Variants in STX8 observed in about 807,000 individuals in gnomAD.
STX8 encodes the protein syntaxin 8.
STX8 carries 23 observed loss-of-function variants against 37.5 expected under a neutral mutation model. The ratio of observed to expected loss-of-function variants is 0.61; its 90% CI spans 0.44 to 0.87. The LOEUF is 0.87. STX8 is among the 40% of genes least tolerant of loss of function. The pLI, the probability that STX8 is intolerant of heterozygous loss-of-function variation, is 0.00. For missense variants in STX8, 313 were observed against 284.7 expected, an observed-to-expected ratio of 1.10 and a Z score of -0.71; for synonymous variants, 115 against 99.1, an observed-to-expected ratio of 1.16 and a Z score of -0.95.
intron 6 of STX8, among the ~76,000 whole-genome samples, chr17:9,426,046 T>G (rs973919486): frequency 7.8e-6 from 1 of 128,968 alleles, no homozygotes; most frequent in Non-Finnish European, 1.6e-5. Context: ...CCCTGTTAAT[T>G]AGAACCTAGA....
intron 7 of STX8, among the ~76,000 whole-genome samples, chr17:9,314,578 T>C (rs79208929): frequency 6.7e-6 from 1 of 150,078 alleles, no homozygotes; most frequent in African/African-American, 2.4e-5. Flanking sequence ...TTTTTGTATT[T>C]TTTTTTTTTT....
chr17:9,471,031 C>CTTTTTTTTTTTTT lies in STX8; in HGVS notation c.541+20785_541+20797dup, dbSNP rs757411419. Among the ~76,000 whole-genome samples, 58 of 33,054 alleles carry CTTTTTTTTTTTTT rather than the reference C, an allele frequency of 1.8e-3. 11 individuals are homozygous for CTTTTTTTTTTTTT. The highest frequency in any genetic ancestry group is 2.8e-3 in the Admixed American group (6 of 2,112). 21.7% of individuals were successfully genotyped at this position (33,054 alleles called of 152,430 possible). A position where few individuals can be genotyped will look rare whatever the true frequency, so the allele number is the denominator to read the frequency against. On this transcript the variant is annotated intron_variant, in intron 6 of 7. Transcript: ENST00000306357. ...TACAGGCGTGAGCCACTGCATCCTG[C>CTTTTTTTTTTTTT]TTTTTTTTTTTTTTTTTTTTTTTGA...
chr17:9,445,005 T>C (rs1904789111), intron 6 of STX8, among the ~76,000 whole-genome samples: 2 of 152,306 alleles, frequency 1.3e-5, no homozygotes, highest in African/African-American at 2.4e-5. Flanking sequence ...GGCTCTCTGC[T>C]GAGCTGCTGA....
intron 7 of STX8, among the ~76,000 whole-genome samples, chr17:9,295,908 T>TG (rs1488691507): frequency 9.4e-6 from 1 of 106,112 alleles, no homozygotes; most frequent in Non-Finnish European, 2.4e-5. Flanking sequence ...TAGCCAGGTG[T>TG]GGCCAGGCGC....
At chr17:9,396,536 C>A (rs1912409340) in intron 6 of STX8, among the ~76,000 whole-genome samples, 2 of 151,842 alleles carry the variant, frequency 1.3e-5, no homozygotes, top group South Asian at 4.2e-4. Flanking sequence ...CATGGTGAGA[C>A]CCCGTCTCTA....
chr17:9,498,162 G>A (rs942598428), intron 5 of STX8, among the ~76,000 whole-genome samples: 1 of 152,102 alleles, frequency 6.6e-6, no homozygotes, highest in African/African-American at 2.4e-5. Context: ...CTGAGGTGGG[G>A]GGGGATCATC....
intron 6 of STX8, among the ~76,000 whole-genome samples, chr17:9,415,924 CCTT>C (rs771041657): frequency 2.1e-4 from 32 of 152,196 alleles, no homozygotes; most frequent in Non-Finnish European, 4.1e-4. Context: ...TGCTGGCATC[CCTT>C]CTTCTTTTGG....
intron 6 of STX8, among the ~76,000 whole-genome samples, chr17:9,456,740 T>C (rs923345784): frequency 5.3e-5 from 8 of 152,188 alleles, no homozygotes; most frequent in African/African-American, 1.7e-4. Context: ...CTGCTGAAGT[T>C]CTAGGCCATC....
At chr17:9,475,530 C>G (rs951686123) in intron 6 of STX8, among the ~76,000 whole-genome samples, 1 of 152,096 alleles carries the variant, frequency 6.6e-6, no homozygotes, top group African/African-American at 2.4e-5. Flanking sequence ...AGACTGCAGT[C>G]TGCAGTACTT....
At chr17:9,433,402 A>C (rs1294658629) in intron 6 of STX8, among the ~76,000 whole-genome samples, 1 of 152,230 alleles carries the variant, frequency 6.6e-6, no homozygotes. Context: ...GGATGAAATC[A>C]AAGATCCTTC....
intron 7 of STX8, among the ~76,000 whole-genome samples, chr17:9,291,455 A>AG (rs1908309827): frequency 6.6e-6 from 1 of 151,928 alleles, no homozygotes; most frequent in African/African-American, 2.4e-5. Context: ...AAAAAAAAAA[A>AG]AAAAAGTATG....
intron 7 of STX8, among the ~76,000 whole-genome samples, chr17:9,337,555 C>T (rs1041706824): frequency 3.3e-5 from 5 of 152,104 alleles, no homozygotes; most frequent in Admixed American, 6.6e-5. Context: ...TTAGTAGAGA[C>T]GGGGTTTCAC....
chr17:9,301,767 G>A (rs142072096), intron 7 of STX8, among the ~76,000 whole-genome samples: 226 of 152,178 alleles, frequency 1.5e-3, no homozygotes, highest in Non-Finnish European at 2.5e-3. Context: ...GGGATTACAG[G>A]CATGAGCCAC....
intron 5 of STX8, among the ~76,000 whole-genome samples, chr17:9,499,399 ATTTC>A (rs5819232): frequency 0.016 from 2,466 of 151,868 alleles, 64 homozygotes; most frequent in African/African-American, 0.056. Context: ...GGAATATGGC[ATTTC>A]TTTCTTTCTT....
intron 4 of STX8, among the ~76,000 whole-genome samples, chr17:9,518,834 A>T (rs914406061): frequency 2.5e-4 from 37 of 149,596 alleles, no homozygotes; most frequent in African/African-American, 9.2e-4. Flanking sequence ...GTGCCACTGC[A>T]CTCCAGCCTG....
intron 7 of STX8, among the ~76,000 whole-genome samples, chr17:9,254,571 T>C (rs1266783395): frequency 6.6e-6 from 1 of 152,038 alleles, no homozygotes; most frequent in African/African-American, 2.4e-5. Context: ...AATTTTTGTA[T>C]TTTTAGTAGA....
chr17:9,335,731 AG>A (rs1910114265), intron 7 of STX8, among the ~76,000 whole-genome samples: 1 of 152,144 alleles, frequency 6.6e-6, no homozygotes, highest in South Asian at 2.1e-4. Flanking sequence ...TATATGAGCT[AG>A]ATCTTTACCT....
chr17:9,303,174 C>T (rs1908846630), intron 7 of STX8, among the ~76,000 whole-genome samples: 1 of 152,030 alleles, frequency 6.6e-6, no homozygotes, highest in Non-Finnish European at 1.5e-5. Flanking sequence ...TCCTGTAGTC[C>T]CAGCTACTCA....
At chr17:9,387,624 A>T (rs1912061967) in intron 6 of STX8, among the ~76,000 whole-genome samples, 1 of 152,130 alleles carries the variant, frequency 6.6e-6, no homozygotes, top group Non-Finnish European at 1.5e-5. Flanking sequence ...TCTGTGCCTC[A>T]TTCTCTATCA....
Sources: gnomAD v4.1 joint callset for allele counts (sites outside exome capture counted in the v4.1 genomes callset) on GRCh38, gnomAD v4.1.1 for gene constraint, MANE v1.5 for transcripts, NCBI Gene and HGNC (gene_info 2026-07-23, HGNC 2026-07-21) for gene names.